The following TARS2 variants were observed in gnomAD, a reference collection of about 807,000 sequenced individuals.
TARS2 encodes the protein threonine--tRNA ligase, mitochondrial.
A neutral mutation model predicts 94.4 loss-of-function variants in TARS2; 61 were observed. The ratio of observed to expected loss-of-function variants is 0.65; its 90% CI spans 0.53 to 0.80. TARS2 has a LOEUF of 0.80. Ranked by LOEUF, TARS2 falls within the 30% of genes least tolerant of loss-of-function variation. The pLI is 0.00. For missense variants in TARS2, 704 were observed against 902.5 expected (o/e 0.78, Z 2.82); for synonymous variants, 359 against 353.4 (o/e 1.02, Z -0.18).
At position 150,488,225 on chromosome 1, in the gene TARS2, G is replaced by A. The variant is rs140004848; in HGVS notation, c.263+171G>A. On this transcript the variant is annotated intron_variant, in intron 2 of 17. Coordinates refer to ENST00000369064, the MANE Select transcript of TARS2 (RefSeq NM_025150.5). ...TTGTTGTTGTTCTTTTATACAGACG[G>A]GGTCTCTCCATGTTGCCCAGGCTAG... 3.8e-4 allele frequency: 279 copies of A among 743,302 alleles called. 2 individuals are homozygous for A. In the South Asian group the frequency reaches 4.8e-3, roughly 13 times the overall value. 46.0% of individuals were successfully genotyped at this position (743,302 alleles called of 1,614,324 possible).
At chr1:150,501,323 T>A (rs1311010737) in intron 13 of TARS2, among the ~76,000 whole-genome samples, 1 of 108,994 alleles carries the variant, frequency 9.2e-6, no homozygotes, top group African/African-American at 3.6e-5. Flanking sequence ...TTTTTTTTTT[T>A]TTTTTTTTTA....
intron 17 of TARS2, among the ~76,000 whole-genome samples, chr1:150,506,223 A>G (rs1026629385): frequency 1.3e-5 from 2 of 152,062 alleles, no homozygotes; most frequent in Admixed American, 1.3e-4. Flanking sequence ...AAGCACCCAG[A>G]GCAAGCTGTG....
chr1:150,491,766 A>G, intron 6 of TARS2, 104 bp downstream of exon 6: 3 of 1,249,554 alleles, frequency 2.4e-6, no homozygotes, highest in South Asian at 2.6e-5. Flanking sequence ...GTGTTGCTCC[A>G]GAAAAAGAAA....
intron 6 of TARS2, 49 bp from the exon 7 acceptor site, chr1:150,492,362 A>G: frequency 6.3e-7 from 1 of 1,584,012 alleles, no homozygotes. Context: ...GGAGAAAGCT[A>G]GAAGCTGAAG....
In TARS2 at chr1:150,507,307, T is replaced by C. The variant is rs992696698; in HGVS notation, c.*243T>C. The C allele has an allele frequency of 2.5e-5, 11 of 448,568 alleles. No individual in the cohort carries two copies. The Admixed American group carries it at 3.0e-4, about 12-fold the overall frequency. 27.8% of individuals were successfully genotyped at this position (448,568 alleles called of 1,614,324 possible). A position where few individuals can be genotyped will look rare whatever the true frequency, so the allele number is the denominator to read the frequency against. On this transcript the variant is annotated 3_prime_UTR_variant, in exon 18 of 18. Transcript: ENST00000369064. Reference sequence around the variant, plus strand: ...AAATTGGGCCAGGCGCAGTGGCTCATGCCTGTAATCCCAGCACTCTGGGAG... The same window carrying C: ...AAATTGGGCCAGGCGCAGTGGCTCACGCCTGTAATCCCAGCACTCTGGGAG...
chr1:150,489,776 T>A (rs1251646340), intron 3 of TARS2, among the ~76,000 whole-genome samples: 1 of 152,078 alleles, frequency 6.6e-6, no homozygotes, highest in African/African-American at 2.4e-5. Context: ...ACCCCGTCTC[T>A]ACTAAAAATA....
intron 13 of TARS2, among the ~76,000 whole-genome samples, chr1:150,503,527 A>G (rs1670014589): frequency 6.9e-6 from 1 of 145,298 alleles, no homozygotes; most frequent in South Asian, 2.2e-4. Flanking sequence ...ATCCCTACTG[A>G]AAAAAAAAAA....
Position 150,498,658 on chromosome 1 carries a change from A to G in TARS2, c.1395A>G (p.Thr465=), listed in dbSNP as rs767682125. 8.1e-6 allele frequency: 13 copies of G among 1,613,354 alleles called. No homozygotes were observed. The Admixed American group carries it at 1.8e-4, about 23-fold the overall frequency. ...ATGACGCTCACATCTTCTGTACAACAGATCAGGTGGCCTTTCCCTGGCTCC... is the reference window on the plus strand; with the variant it reads ...ATGACGCTCACATCTTCTGTACAACGGATCAGGTGGCCTTTCCCTGGCTCC... ...QQDDAHIFCT[T]DQLEAEIQSC... Residue 465 remains threonine (T), a synonymous_variant, in exon 11 of 18, where the codon ACA becomes ACG. Coordinates refer to ENST00000369064, the MANE Select transcript of TARS2 (RefSeq NM_025150.5).
chr1:150,506,871 G>A (rs370728114), intron 17 of TARS2, 45 bp from the exon 18 acceptor site: 15 of 1,611,456 alleles, frequency 9.3e-6, no homozygotes, highest in Middle Eastern at 1.6e-4. Flanking sequence ...ACTGTTCCAT[G>A]TGGGTGAATT....
At chr1:150,496,780 G>A (rs953127) in intron 8 of TARS2, 30 bp from the exon 9 acceptor site, 1 of 1,612,674 alleles carries the variant, frequency 6.2e-7, no homozygotes, top group East Asian at 2.2e-5. Flanking sequence ...TGCCCTTGAG[G>A]TGACCCAATA....
At chr1:150,503,669 ATGTGTGTATATATGTGTATATATATGTG>A (rs1444983353) in intron 13 of TARS2, among the ~76,000 whole-genome samples, 1 of 149,732 alleles carries the variant, frequency 6.7e-6, no homozygotes, top group Non-Finnish European at 1.5e-5. Flanking sequence ...GTGTGTATAT[ATGTGTGTATATATGTGTATATATATGTG>A]TGTGTATATA....
chr1:150,505,742 C>A, intron 17 of TARS2, 37 bp downstream of exon 17: 1 of 1,574,644 alleles, frequency 6.4e-7, no homozygotes. Context: ...CTCCCACCTG[C>A]CGTCTGCATT....
Position 150,498,556 on chromosome 1 carries a change from T to C in TARS2, c.1293T>C (p.Ala431=). ...RSWRELPLRL[A]DFGALHRAEA... ...GGCGGGAACTGCCCCTGCGACTAGC[T>C]GACTTTGGGGCTCTACACCGGGCCG... is the stretch of plus-strand genomic sequence containing the variant. The change falls in exon 11 of 18, where the codon GCT becomes GCC. Residue 431 remains alanine (A), a synonymous_variant. Transcript: ENST00000369064. 1 of 1,602,504 alleles carries C rather than the reference T, an allele frequency of 6.2e-7. No homozygotes were observed. The highest frequency in any genetic ancestry group is 8.5e-7 in the Non-Finnish European group (1 of 1,176,436).
chr1:150,503,585 ATGTGTGTG>A lies in TARS2; in HGVS notation c.1618-740_1618-733del, dbSNP rs1180611628. On this transcript the variant is annotated intron_variant, in intron 13 of 17. Coordinates refer to ENST00000369064, the MANE Select transcript of TARS2 (RefSeq NM_025150.5). ...TGTGTGTGTGTGTGTGTGTATATATATGTGTGTGTGTGTGTGTATGTGTGTATATATAT... is the reference window on the plus strand; with the variant it reads ...TGTGTGTGTGTGTGTGTGTATATATATGTGTGTGTATGTGTGTATATATAT... Among the ~76,000 whole-genome samples, 13 of 137,174 alleles carry A rather than the reference ATGTGTGTG, an allele frequency of 9.5e-5. 1 individual carries two copies. The South Asian group carries it at 2.0e-3, about 22-fold the overall frequency. 90.0% of individuals were successfully genotyped at this position (137,174 alleles called of 152,430 possible).
At chr1:150,489,757 A>G (rs1335418291) in intron 3 of TARS2, among the ~76,000 whole-genome samples, 2 of 152,160 alleles carry the variant, frequency 1.3e-5, no homozygotes, top group African/African-American at 2.4e-5. Flanking sequence ...CCTGGCCAAC[A>G]TAGTAGAAAC....
At chr1:150,491,329 G>C in intron 4 of TARS2, 65 bp from the exon 5 acceptor site, 1 of 1,528,058 alleles carries the variant, frequency 6.5e-7, no homozygotes, top group Non-Finnish European at 9.1e-7. Flanking sequence ...CTAGCCAACA[G>C]GTGTGTCACC....
intron 16 of TARS2, 94 bp downstream of exon 16, chr1:150,505,072 G>A (rs1173600048): frequency 4.6e-6 from 6 of 1,302,804 alleles, no homozygotes; most frequent in Non-Finnish European, 5.4e-6. Flanking sequence ...GGGTGGTAGA[G>A]GAAGGAGCAC....
chr1:150,502,151 G>A (rs898439907), intron 13 of TARS2, among the ~76,000 whole-genome samples: 10 of 151,956 alleles, frequency 6.6e-5, no homozygotes, highest in Non-Finnish European at 1.2e-4. Context: ...AACCTCAGGT[G>A]ATCTGCTCGC....
At position 150,504,640 on chromosome 1, in the gene TARS2, G is replaced by T; in HGVS notation, c.1727G>T (p.Gly576Val). The change falls in exon 15 of 18, where the codon GGT (glycine) becomes GTT (valine). Residue 576 changes from glycine (G) to valine (V), a missense_variant. Gly to Val is a moderately radical substitution (Grantham distance 109). This residue lies in a region of TARS2 where 466 missense variants were observed against 609.5 expected (regional missense o/e 0.76). Coordinates refer to ENST00000369064, the MANE Select transcript of TARS2 (RefSeq NM_025150.5). ...CCCTTTTTCCTTTCAAGGCAGGCGG[G>T]TGCCCTGGAGCGTCCAGTCCTCATT... ...RFDLQYKGQA[G>V]ALERPVLIHR... The T allele has an allele frequency of 6.2e-7, 1 of 1,614,018 alleles. No homozygotes were observed. Among genetic ancestry groups the T allele is most frequent in the Non-Finnish European group, 8.5e-7 (1 of 1,179,962 alleles).
Sources: allele counts gnomAD v4.1 joint callset (sites outside exome capture counted in the v4.1 genomes callset), GRCh38; gene constraint gnomAD v4.1.1; regional missense constraint gnomAD v4.1.1; transcripts MANE v1.5; gene names NCBI Gene and HGNC (gene_info 2026-07-23, HGNC 2026-07-21).